ERC1: variants seen among roughly 807,000 people sequenced by gnomAD.
The protein encoded by ERC1 is RAB6 interacting protein 2.
A neutral mutation model predicts 132.0 loss-of-function variants in ERC1; 56 were observed. The ratio of observed to expected loss-of-function variants is 0.42; its 90% CI spans 0.34 to 0.53. The LOEUF is 0.53. Among genes scored for constraint, ERC1 ranks in the 20% least tolerant of loss-of-function variants. ERC1 has a pLI of 0.03. For synonymous variants in ERC1, 478 were observed against 476.1 expected, an observed-to-expected ratio of 1.00 and a Z score of -0.05; for missense variants, 1,202 against 1,349.9, an observed-to-expected ratio of 0.89 and a Z score of 1.72.
chr12:1,083,404 G>T lies in ERC1; in HGVS notation c.910G>T (p.Ala304Ser). The T allele has an allele frequency of 6.2e-7, 1 of 1,614,194 alleles. No individual in the cohort carries two copies. The highest frequency in any genetic ancestry group is 8.5e-7 in the Non-Finnish European group (1 of 1,180,034). ...TGAGACTCAAAAGCAGACCCTAAAT[G>T]CTCGGGATGAATCCATTAAGAAGCT... ...RIETQKQTLN[A>S]RDESIKKLLE... is the part of the protein sequence containing the mutation. Residue 304 changes from alanine (A) to serine (S), a missense_variant, in exon 3 of 19, where the codon GCT (alanine) becomes TCT (serine). Coordinates refer to ENST00000360905, the MANE Select transcript of ERC1 (RefSeq NM_178040.4).
chr12:991,882 G>A (rs1027860429), intron 1 of ERC1: 1 of 151,926 alleles, frequency 6.6e-6, no homozygotes, highest in Non-Finnish European at 1.5e-5. Context: ...AAAGGACGAT[G>A]AGCTGTGCAT....
intron 18 of ERC1, among the ~76,000 whole-genome samples, chr12:1,476,126 G>T (rs573946103): frequency 4.6e-5 from 7 of 151,858 alleles, no homozygotes; most frequent in Middle Eastern, 3.4e-3. Flanking sequence ...TTAGCCTGGG[G>T]CCACCTGTGG....
At chr12:1,000,557 T>C (rs1016945112) in intron 1 of ERC1, among the ~76,000 whole-genome samples, 6 of 151,190 alleles carry the variant, frequency 4.0e-5, no homozygotes, top group Admixed American at 1.3e-4. Context: ...TTAAATTAAG[T>C]GTCTCTGCCA....
At chr12:1,137,366 G>T (rs1301175531) in intron 7 of ERC1, among the ~76,000 whole-genome samples, 7 of 150,936 alleles carry the variant, frequency 4.6e-5, no homozygotes, top group Admixed American at 2.6e-4. Flanking sequence ...CAAAGTGCTG[G>T]GATTACAGGT....
Position 1,193,773 on chromosome 12 carries a change from A to C in ERC1, c.2351+3721A>C, listed in dbSNP as rs1166345489. ...GTTTTAAAATCTTTCCAAAGGATTC[A>C]TTTATGTCCATTGGGATTATCTAGG... On this transcript the variant is annotated intron_variant, in intron 12 of 18. Transcript: ENST00000360905. 2.0e-5 allele frequency among the ~76,000 whole-genome samples: 3 copies of C among 152,290 alleles called. No individual in the cohort carries two copies. In the East Asian group the frequency reaches 5.8e-4, roughly 29 times the overall value.
At chr12:1,079,261 G>T (rs1228054913) in intron 2 of ERC1, among the ~76,000 whole-genome samples, 1 of 150,764 alleles carries the variant, frequency 6.6e-6, no homozygotes, top group South Asian at 2.1e-4. Context: ...CAGAGATACA[G>T]ATAGAAATGA....
chr12:1,319,863 A>G (rs943348525), intron 15 of ERC1, among the ~76,000 whole-genome samples: 2 of 152,136 alleles, frequency 1.3e-5, no homozygotes, highest in African/African-American at 4.8e-5. Context: ...ACCTAAAGCT[A>G]TGATAGAAAT....
chr12:1,393,831 C>T (rs61913133), intron 16 of ERC1, among the ~76,000 whole-genome samples: 41,396 of 146,570 alleles, frequency 0.28, 6,053 homozygotes, highest in Middle Eastern at 0.37. Context: ...ATTGAGACCA[C>T]GGTGAAACCC....
chr12:1,245,132 C>G (rs774343356), intron 13 of ERC1, among the ~76,000 whole-genome samples: 1 of 152,144 alleles, frequency 6.6e-6, no homozygotes, highest in Non-Finnish European at 1.5e-5. Context: ...TATGCACATG[C>G]ACATGTAGAT....
chr12:1,405,868 TAGTG>T (rs1356821247), intron 16 of ERC1, among the ~76,000 whole-genome samples: 1 of 152,066 alleles, frequency 6.6e-6, no homozygotes, highest in Non-Finnish European at 1.5e-5. Context: ...CTGGGCAACA[TAGTG>T]AGACCCCATT....
At chr12:1,381,887 T>C (rs2088716714) in intron 16 of ERC1, among the ~76,000 whole-genome samples, 1 of 152,186 alleles carries the variant, frequency 6.6e-6, no homozygotes, top group East Asian at 1.9e-4. Flanking sequence ...TCCCTTGGCT[T>C]AAGTTGAACA....
At chr12:1,110,002 G>A (rs1945676658) in intron 4 of ERC1, among the ~76,000 whole-genome samples, 190 bp from the exon 5 acceptor site, 1 of 152,326 alleles carries the variant, frequency 6.6e-6, no homozygotes. Flanking sequence ...AGCTAAGATT[G>A]CGTCACTGCA....
At chr12:1,098,573 G>A (rs1011995369) in intron 3 of ERC1, among the ~76,000 whole-genome samples, 1 of 152,246 alleles carries the variant, frequency 6.6e-6, no homozygotes, top group African/African-American at 2.4e-5. Flanking sequence ...TTGAGCCACT[G>A]GAATGGCAGT....
At chr12:1,383,508 C>T (rs1307770791) in intron 16 of ERC1, among the ~76,000 whole-genome samples, 1 of 152,134 alleles carries the variant, frequency 6.6e-6, no homozygotes, top group Non-Finnish European at 1.5e-5. Flanking sequence ...GTGGCATGCG[C>T]CTGTAATCTC....
At chr12:1,270,867 T>C (rs1358119999) in intron 14 of ERC1, among the ~76,000 whole-genome samples, 1 of 151,922 alleles carries the variant, frequency 6.6e-6, no homozygotes, top group Non-Finnish European at 1.5e-5. Flanking sequence ...AGTATAAAAT[T>C]CTAAGGAGAA....
chr12:1,293,693 C>T (rs2079675183), intron 15 of ERC1, among the ~76,000 whole-genome samples: 1 of 151,412 alleles, frequency 6.6e-6, no homozygotes, highest in Non-Finnish European at 1.5e-5. Context: ...GGATTTATGA[C>T]ATGGTGTTCC....
At chr12:1,258,645 AAATCTTCAG>A (rs1389163906) in intron 13 of ERC1, among the ~76,000 whole-genome samples, 1 of 152,226 alleles carries the variant, frequency 6.6e-6, no homozygotes, top group East Asian at 1.9e-4. Flanking sequence ...AGAGATTTTT[AAATCTTCAG>A]AATCTTCAGG....
At position 1,439,609 on chromosome 12, in the gene ERC1, G is replaced by A. The variant is rs773545586; in HGVS notation, c.3025-4953G>A. Among the ~76,000 whole-genome samples, 5 of 152,112 alleles carry A rather than the reference G, an allele frequency of 3.3e-5. No individual in the cohort carries two copies. The South Asian group carries it at 6.2e-4, about 19-fold the overall frequency. Reference sequence around the variant, plus strand: ...ATTTGGTACAAGCAAATATCATGACGAGTTCATTTTTTAACTTCTTTTTTC... The same window carrying A: ...ATTTGGTACAAGCAAATATCATGACAAGTTCATTTTTTAACTTCTTTTTTC... On this transcript the variant is annotated intron_variant, in intron 17 of 18. Coordinates refer to ENST00000360905, the MANE Select transcript of ERC1 (RefSeq NM_178040.4).
intron 15 of ERC1, among the ~76,000 whole-genome samples, chr12:1,320,439 C>A (rs2082037293): frequency 6.6e-6 from 1 of 152,162 alleles, no homozygotes; most frequent in Non-Finnish European, 1.5e-5. Context: ...ATTACTCACC[C>A]TTTTCTTTCC....
Sources: allele counts gnomAD v4.1 joint callset (sites outside exome capture counted in the v4.1 genomes callset), GRCh38; gene constraint gnomAD v4.1.1; transcripts MANE v1.5; gene names NCBI Gene and HGNC (gene_info 2026-07-23, HGNC 2026-07-21).